TP63: variants seen among roughly 807,000 people sequenced by gnomAD.
TP63 encodes tumor protein 63.
Under a neutral mutation model 82.8 loss-of-function variants are expected in TP63, and 17 were observed. The observed-to-expected ratio is 0.21, with a 90% confidence interval of 0.14 to 0.31. TP63 has a LOEUF of 0.31. TP63 is among the 10% of genes least tolerant of loss of function. TP63 has a pLI of 1.00. For synonymous variants in TP63, 330 were observed against 321.7 expected (o/e 1.03, Z -0.28); for missense variants, 648 against 895.3 (o/e 0.72, Z 3.52).
chr3:189,854,073 T>G (rs1161506018), intron 4 of TP63, among the ~76,000 whole-genome samples: 1 of 152,210 alleles, frequency 6.6e-6, no homozygotes, highest in South Asian at 2.1e-4. Flanking sequence ...CTGTTCCCAG[T>G]ACAGAATAAG....
intron 1 of TP63, among the ~76,000 whole-genome samples, chr3:189,672,114 C>G (rs1392661610): frequency 6.6e-6 from 1 of 151,986 alleles, no homozygotes; most frequent in East Asian, 1.9e-4. Flanking sequence ...CTTATTTGAT[C>G]ATTACACATT....
intron 10 of TP63, among the ~76,000 whole-genome samples, chr3:189,877,242 T>C (rs908064880): frequency 2.6e-5 from 4 of 152,070 alleles, no homozygotes; most frequent in Non-Finnish European, 5.9e-5. Context: ...ATATAGAGAG[T>C]TATGTTTCTA....
At chr3:189,783,009 T>G (rs911570504) in intron 3 of TP63, among the ~76,000 whole-genome samples, 4 of 152,072 alleles carry the variant, frequency 2.6e-5, no homozygotes. Context: ...TTTTTGTCTT[T>G]TAATTGAATA....
intron 4 of TP63, among the ~76,000 whole-genome samples, chr3:189,863,363 T>C (rs1377135844): frequency 6.6e-6 from 1 of 152,162 alleles, no homozygotes; most frequent in Non-Finnish European, 1.5e-5. Context: ...GAAGGTTCTC[T>C]TCTGCTTCAG....
chr3:189,712,729 A>G (rs1057112931), intron 1 of TP63, among the ~76,000 whole-genome samples: 5 of 151,996 alleles, frequency 3.3e-5, no homozygotes, highest in Non-Finnish European at 7.4e-5. Context: ...CAATAAGAAG[A>G]CAAATATGGA....
chr3:189,873,246 C>T (rs1026776712), intron 10 of TP63: 3 of 563,658 alleles, frequency 5.3e-6, no homozygotes, highest in South Asian at 2.0e-5. Context: ...TACAAAGAAA[C>T]TCACACTAAC....
At chr3:189,631,341 G>A (rs1432450751), upstream of TP63, 19 of 1,441,042 alleles carry the variant, frequency 1.3e-5, no homozygotes, top group Middle Eastern at 2.3e-4. Flanking sequence ...ATCAAGAAAC[G>A]CTCCGCCTCT....
intron 1 of TP63, among the ~76,000 whole-genome samples, chr3:189,680,461 T>C (rs1478495260): frequency 6.6e-6 from 1 of 152,118 alleles, no homozygotes; most frequent in Non-Finnish European, 1.5e-5. Context: ...CCACTGATAC[T>C]AAATCCGCCT....
At chr3:189,758,869 A>T (rs1319134767) in intron 3 of TP63, among the ~76,000 whole-genome samples, 1 of 152,204 alleles carries the variant, frequency 6.6e-6, no homozygotes. Context: ...TCTTCAAACT[A>T]AGATCAGGAT....
At chr3:189,804,624 G>A (rs551572420) in intron 3 of TP63, among the ~76,000 whole-genome samples, 1 of 152,270 alleles carries the variant, frequency 6.6e-6, no homozygotes, top group African/African-American at 2.4e-5. Flanking sequence ...AAGTGAATAA[G>A]AATATTTTCT....
intron 1 of TP63, among the ~76,000 whole-genome samples, chr3:189,675,637 T>C (rs1224189329): frequency 6.6e-6 from 1 of 152,138 alleles, no homozygotes; most frequent in Non-Finnish European, 1.5e-5. Context: ...CCTGCTTTGA[T>C]GCCTGAATCA....
the TP63 span, among the ~76,000 whole-genome samples, chr3:189,609,992 CCA>C: frequency 2.0e-5 from 3 of 152,098 alleles, no homozygotes; most frequent in Non-Finnish European, 4.4e-5. Context: ...ATTTACACTC[CCA>C]CCAACGGAGT....
At chr3:189,788,635 C>G (rs1050851212) in intron 3 of TP63, among the ~76,000 whole-genome samples, 3 of 151,932 alleles carry the variant, frequency 2.0e-5, no homozygotes, top group African/African-American at 7.2e-5. Flanking sequence ...ATTACAAATA[C>G]TCAGCAGTAA....
intron 12 of TP63, among the ~76,000 whole-genome samples, chr3:189,890,576 A>G (rs1300991861): frequency 6.6e-6 from 1 of 152,070 alleles, no homozygotes; most frequent in Non-Finnish European, 1.5e-5. Context: ...AGGAATCCTT[A>G]TAGTTGATTT....
chr3:189,873,078 T>C (rs773969320), intron 10 of TP63, 83 bp downstream of exon 10: 41 of 1,600,946 alleles, frequency 2.6e-5, no homozygotes, highest in Non-Finnish European at 3.3e-5. Context: ...TGATGAGCAA[T>C]GTGGAACATA....
chr3:189,791,635 T>C (rs968153085), intron 3 of TP63, among the ~76,000 whole-genome samples: 2 of 152,134 alleles, frequency 1.3e-5, no homozygotes, highest in Non-Finnish European at 2.9e-5. Flanking sequence ...TGGCTGCACT[T>C]CCCTACCTTT....
In TP63 at chr3:189,808,272, C is replaced by T. The variant is rs1727137586; in HGVS notation, c.325C>T (p.Pro109Ser). 1.2e-6 allele frequency: 2 copies of T among 1,614,062 alleles called. No individual in the cohort carries two copies. The highest frequency in any genetic ancestry group is 3.3e-5 in the Admixed American group (2 of 60,008). The change falls in exon 4 of 14, where the codon CCA becomes TCA. Residue 109 changes from proline (P) to serine (S), a missense_variant and splice_region_variant. Transcript: ENST00000264731. ...QDSDLSDPMW[P>S]QYTNLGLLNS... is the part of the protein sequence containing the mutation. ...TTGGGGTTTCTGGGTGTCCTTGCAG[C>T]CACAGTACACGAACCTGGGGCTCCT...
the TP63 span, among the ~76,000 whole-genome samples, chr3:189,626,284 A>G: frequency 6.6e-6 from 1 of 152,170 alleles, no homozygotes; most frequent in Non-Finnish European, 1.5e-5. Context: ...AGCTGCAGCT[A>G]TGTACAGAAA....
At chr3:189,811,273 GT>G (rs1727540764) in intron 4 of TP63, among the ~76,000 whole-genome samples, 2 of 152,180 alleles carry the variant, frequency 1.3e-5, no homozygotes, top group Admixed American at 1.3e-4. Context: ...AACGTAGAAA[GT>G]TTTTAGAAGG....
Sources: allele counts gnomAD v4.1 joint callset (sites outside exome capture counted in the v4.1 genomes callset), GRCh38; gene constraint gnomAD v4.1.1; transcripts MANE v1.5; gene names NCBI Gene and HGNC (gene_info 2026-07-23, HGNC 2026-07-21).